The following ENTPD1 variants were observed in gnomAD, a reference collection of about 807,000 sequenced individuals.
ENTPD1 encodes ectonucleoside triphosphate diphosphohydrolase 1.
A neutral mutation model predicts 57.0 loss-of-function variants in ENTPD1; 33 were observed. The observed-to-expected ratio is 0.58, with a 90% CI of 0.44 to 0.77. The LOEUF (loss-of-function observed/expected upper bound fraction) is 0.77, where lower values mean the gene tolerates loss of function less well. ENTPD1 is among the 30% of genes least tolerant of loss of function. The pLI is 0.00. For missense variants in ENTPD1, 501 were observed against 603.4 expected (o/e 0.83, Z 1.78); for synonymous variants, 202 against 218.8 (o/e 0.92, Z 0.68).
At chr10:95,740,379 C>T (rs966457720) in intron 1 of ENTPD1, among the ~76,000 whole-genome samples, 2 of 152,244 alleles carry the variant, frequency 1.3e-5, no homozygotes, top group African/African-American at 4.8e-5. Flanking sequence ...CTTGCCTTGG[C>T]TTCCCAAAGT....
intron 1 of ENTPD1, among the ~76,000 whole-genome samples, chr10:95,737,797 T>G (rs1354830660): frequency 6.6e-6 from 1 of 152,246 alleles, no homozygotes; most frequent in Non-Finnish European, 1.5e-5. Context: ...GAATTGAGTT[T>G]TGCTCTAAAT....
chr10:95,860,217 T>A (rs763238519), intron 7 of ENTPD1, among the ~76,000 whole-genome samples: 11 of 152,236 alleles, frequency 7.2e-5, no homozygotes, highest in Non-Finnish European at 1.5e-4. Flanking sequence ...TTTCCCCATT[T>A]TTCTTTCTCC....
At chr10:95,853,858 A>G (rs1400591443) in intron 7 of ENTPD1, among the ~76,000 whole-genome samples, 1 of 152,168 alleles carries the variant, frequency 6.6e-6, no homozygotes, top group Non-Finnish European at 1.5e-5. Flanking sequence ...GGATTTTTGC[A>G]TCAATGTTCA....
intron 7 of ENTPD1, among the ~76,000 whole-genome samples, chr10:95,848,500 C>G: frequency 6.6e-6 from 1 of 152,056 alleles, no homozygotes; most frequent in Admixed American, 6.6e-5. Context: ...ACTGTCTCAT[C>G]TTCATATTTG....
chr10:95,796,653 G>A (rs1327908754), intron 1 of ENTPD1, among the ~76,000 whole-genome samples: 8 of 152,114 alleles, frequency 5.3e-5, no homozygotes, highest in Admixed American at 5.2e-4. Context: ...ATACTAGTTA[G>A]GGCCACATAC....
chr10:95,810,344 G>T (rs1285800286), intron 1 of ENTPD1, among the ~76,000 whole-genome samples: 2 of 150,086 alleles, frequency 1.3e-5, no homozygotes, highest in Non-Finnish European at 3.0e-5. Context: ...GGGCGGCTGG[G>T]CAGAGGCACT....
chr10:95,851,044 T>G (rs1181583932), intron 7 of ENTPD1, among the ~76,000 whole-genome samples: 5 of 152,204 alleles, frequency 3.3e-5, no homozygotes, highest in Non-Finnish European at 7.3e-5. Flanking sequence ...GTGGGCAAAT[T>G]AGAAACACTA....
Position 95,867,901 on chromosome 10 carries a change from T to C in ENTPD1, c.*1518T>C. ...GGTGAATATAAAAACTTAATAAAGCTGTGGAAAGGAACTCTTAATCTTCTT... is the reference window on the plus strand; with the variant it reads ...GGTGAATATAAAAACTTAATAAAGCCGTGGAAAGGAACTCTTAATCTTCTT... On this transcript the variant is annotated 3_prime_UTR_variant, in exon 10 of 10. Coordinates refer to ENST00000371205, the MANE Select transcript of ENTPD1 (RefSeq NM_001776.6). 7.1e-6 allele frequency: 7 copies of C among 985,446 alleles called. No homozygotes were observed. The South Asian group carries it at 3.3e-4, about 46-fold the overall frequency. The allele number at this position is 985,446 out of a possible 1,614,324, so 61.0% of individuals were successfully genotyped here. A position where few individuals can be genotyped will look rare whatever the true frequency, so the allele number is the denominator to read the frequency against.
At chr10:95,837,278 G>T (rs143332456) in intron 2 of ENTPD1, among the ~76,000 whole-genome samples, 2 of 152,294 alleles carry the variant, frequency 1.3e-5, no homozygotes, top group East Asian at 3.9e-4. Flanking sequence ...GTATGCTGCT[G>T]TGGTTGGAAC....
At chr10:95,756,158 C>G (rs1400486237), upstream of ENTPD1, 1 of 1,558,122 alleles carries the variant, frequency 6.4e-7, no homozygotes, top group Non-Finnish European at 8.7e-7. Context: ...TTGAGGACCT[C>G]TCTCACGGAG....
intron 1 of ENTPD1, among the ~76,000 whole-genome samples, chr10:95,815,596 G>C (rs1047494381): frequency 6.6e-6 from 1 of 152,192 alleles, no homozygotes; most frequent in African/African-American, 2.4e-5. Flanking sequence ...TTGTAGGGTA[G>C]GGTGCTGGTT....
intron 1 of ENTPD1, among the ~76,000 whole-genome samples, chr10:95,816,069 G>C (rs966565143): frequency 6.6e-6 from 1 of 152,118 alleles, no homozygotes; most frequent in East Asian, 1.9e-4. Flanking sequence ...GAGTGCTCCC[G>C]GCAAGTCATC....
intron 1 of ENTPD1, among the ~76,000 whole-genome samples, chr10:95,712,661 G>T (rs532978617): frequency 1.2e-4 from 19 of 152,276 alleles, no homozygotes; most frequent in South Asian, 8.3e-4. Context: ...GGTGCCAGTG[G>T]ATTAACGGGT....
At chr10:95,700,803 T>A in the ENTPD1 span, among the ~76,000 whole-genome samples, 1 of 152,084 alleles carries the variant, frequency 6.6e-6, no homozygotes, top group African/African-American at 2.4e-5. Context: ...TTCTTTTTTT[T>A]TTTTTTGAGA....
At chr10:95,830,508 T>C (rs1229376684) in intron 2 of ENTPD1, among the ~76,000 whole-genome samples, 1 of 152,098 alleles carries the variant, frequency 6.6e-6, no homozygotes, top group African/African-American at 2.4e-5. Context: ...TAAAAATGGT[T>C]CAAAATATTG....
chr10:95,786,315 C>T (rs987780831), intron 1 of ENTPD1, among the ~76,000 whole-genome samples: 5 of 152,160 alleles, frequency 3.3e-5, no homozygotes, highest in African/African-American at 1.2e-4. Flanking sequence ...TTCTTTTTAA[C>T]TCCACCAAAT....
chr10:95,742,846 T>G (rs1469379500), intron 1 of ENTPD1, among the ~76,000 whole-genome samples: 1 of 152,240 alleles, frequency 6.6e-6, no homozygotes, highest in African/African-American at 2.4e-5. Context: ...TAACATATTT[T>G]TTAAAATAAG....
At chr10:95,788,607 ACT>A (rs746635626) in intron 1 of ENTPD1, among the ~76,000 whole-genome samples, 2 of 151,096 alleles carry the variant, frequency 1.3e-5, no homozygotes, top group Non-Finnish European at 2.9e-5. Context: ...ACAAAGTGAG[ACT>A]CTGTCCAAAA....
intron 8 of ENTPD1, 87 bp downstream of exon 8, chr10:95,860,669 T>C: frequency 8.4e-7 from 1 of 1,195,506 alleles, no homozygotes; most frequent in Admixed American, 1.9e-5. Flanking sequence ...CTGAAACTCC[T>C]GCTGGTTTGA....
Sources: allele counts gnomAD v4.1 joint callset (sites outside exome capture counted in the v4.1 genomes callset), GRCh38; gene constraint gnomAD v4.1.1; transcripts MANE v1.5; gene names NCBI Gene and HGNC (gene_info 2026-07-23, HGNC 2026-07-21).